The following UBE4B variants were observed in gnomAD, a reference collection of about 807,000 sequenced individuals.
UBE4B encodes ubiquitin conjugation factor E4 B.
In UBE4B, 27 loss-of-function variants were observed where a neutral mutation model predicts 148.1. The observed-to-expected ratio is 0.18, with a 90% CI of 0.13 to 0.25. The LOEUF (loss-of-function observed/expected upper bound fraction) is 0.25, where lower values mean the gene tolerates loss of function less well. Among genes scored for constraint, UBE4B ranks in the 10% least tolerant of loss-of-function variants. The pLI is 1.00. For synonymous variants in UBE4B, 596 were observed against 619.3 expected (o/e 0.96, Z 0.56); for missense variants, 1,170 against 1,662.4 (o/e 0.70, Z 5.15).
In UBE4B at chr1:10,044,673, T is replaced by C. The variant is rs371356286; in HGVS notation, c.24+10979T>C. On this transcript the variant is annotated intron_variant, in intron 1 of 27. Transcript: ENST00000343090. ...TCTCAGCTCACTGTAACTCCACCGC[T>C]TGGGCTCAAGCGATCCTCCCACCTC... Among the ~76,000 whole-genome samples, 91 of 151,832 alleles carry C rather than the reference T, an allele frequency of 6.0e-4. 1 individual carries two copies. Among genetic ancestry groups the C allele is most frequent in the African/African-American group, 2.1e-3 (87 of 41,426 alleles).
At chr1:10,053,063 C>T (rs1406044455) in intron 1 of UBE4B, among the ~76,000 whole-genome samples, 2 of 152,102 alleles carry the variant, frequency 1.3e-5, no homozygotes, top group Non-Finnish European at 2.9e-5. Context: ...GCCCCATCTC[C>T]TAATTTCATC....
chr1:10,067,331 T>G (rs1377885859), intron 1 of UBE4B, among the ~76,000 whole-genome samples: 1 of 152,152 alleles, frequency 6.6e-6, no homozygotes, highest in Non-Finnish European at 1.5e-5. Context: ...TATGTGTGGC[T>G]TTGAGTTGTG....
At chr1:10,101,844 T>G (rs1055542864) in intron 4 of UBE4B, among the ~76,000 whole-genome samples, 2 of 152,146 alleles carry the variant, frequency 1.3e-5, no homozygotes, top group African/African-American at 4.8e-5. Context: ...CATCACATCT[T>G]TAGCAGTATT....
intron 2 of UBE4B, among the ~76,000 whole-genome samples, chr1:10,073,383 T>C (rs1644520132): frequency 6.6e-6 from 1 of 152,150 alleles, no homozygotes; most frequent in Non-Finnish European, 1.5e-5. Context: ...CTCAGAACCA[T>C]TTGAACTAAT....
chr1:10,093,686 T>G (rs1184994274), intron 2 of UBE4B, among the ~76,000 whole-genome samples: 2 of 152,064 alleles, frequency 1.3e-5, no homozygotes, highest in Admixed American at 6.6e-5. Context: ...TTTTCTTTTT[T>G]CATACTTTTT....
chr1:10,086,413 A>T (rs1333980888), intron 2 of UBE4B, among the ~76,000 whole-genome samples: 1 of 152,110 alleles, frequency 6.6e-6, no homozygotes, highest in Non-Finnish European at 1.5e-5. Context: ...ATGTATTCTT[A>T]GTTATCAGGG....
intron 7 of UBE4B, among the ~76,000 whole-genome samples, chr1:10,109,040 A>C (rs1050976253): frequency 1.3e-5 from 2 of 152,142 alleles, no homozygotes; most frequent in Non-Finnish European, 2.9e-5. Flanking sequence ...GCCTTGCCTC[A>C]GATCTAAATT....
In UBE4B at chr1:10,135,223, T is replaced by C. The variant is rs759105104; in HGVS notation, c.2224+37T>C. ...GTTCGTGACTCGGTCATTAAAACACTGCCCTCTTGTCTGTGTGCTAGTAGT... is the reference window on the plus strand; with the variant it reads ...GTTCGTGACTCGGTCATTAAAACACCGCCCTCTTGTCTGTGTGCTAGTAGT... On this transcript the variant is annotated intron_variant, in intron 16 of 27. Coordinates refer to ENST00000343090, the MANE Select transcript of UBE4B (RefSeq NM_001105562.3). 14 of 1,570,246 alleles carry C rather than the reference T, an allele frequency of 8.9e-6. No individual in the cohort carries two copies. In the East Asian group the frequency reaches 9.2e-5, roughly 10 times the overall value.
Position 10,137,357 on chromosome 1 carries a change from C to T in UBE4B, c.2363+152C>T, listed in dbSNP as rs537772410. The T allele has an allele frequency of 1.5e-4, 153 of 996,424 alleles. 2 individuals are homozygous for T. The African/African-American group carries it at 2.3e-3, about 15-fold the overall frequency. 61.7% of individuals were successfully genotyped at this position (996,424 alleles called of 1,614,324 possible). The stretch of plus-strand genomic sequence containing the variant: ...TGCCTCCACCGCCACATCCATGTTG[C>T]TCAGTTGTCCAGAGTTCTTTACCTG... On this transcript the variant is annotated intron_variant, in intron 17 of 27. Coordinates refer to ENST00000343090, the MANE Select transcript of UBE4B (RefSeq NM_001105562.3).
intron 7 of UBE4B, among the ~76,000 whole-genome samples, chr1:10,111,057 A>G (rs1444619572): frequency 2.4e-5 from 3 of 122,890 alleles, no homozygotes; most frequent in East Asian, 6.9e-4. Context: ...ACACACACAC[A>G]CACACACACA....
chr1:10,132,170 C>T (rs748290880), intron 14 of UBE4B, among the ~76,000 whole-genome samples, 199 bp from the exon 15 acceptor site: 2 of 152,108 alleles, frequency 1.3e-5, no homozygotes, highest in Non-Finnish European at 2.9e-5. Flanking sequence ...TCCCCCACTC[C>T]ATATTCTGCT....
chr1:10,038,762 C>A (rs1486660507), intron 1 of UBE4B, among the ~76,000 whole-genome samples: 1 of 152,134 alleles, frequency 6.6e-6, no homozygotes, highest in Non-Finnish European at 1.5e-5. Flanking sequence ...ACTGGTCCTC[C>A]CACTCCCAAT....
intron 3 of UBE4B, among the ~76,000 whole-genome samples, chr1:10,100,547 T>C (rs184483344): frequency 6.6e-6 from 1 of 152,270 alleles, no homozygotes; most frequent in Non-Finnish European, 1.5e-5. Flanking sequence ...ACTTTAATGA[T>C]ATACTTTTAT....
intron 2 of UBE4B, among the ~76,000 whole-genome samples, chr1:10,093,775 A>G (rs887543605): frequency 6.6e-6 from 1 of 151,596 alleles, no homozygotes; most frequent in African/African-American, 2.4e-5. Flanking sequence ...GCTCACTGCA[A>G]CCTCCGCCTC....
chr1:10,131,895 C>G (rs142657729), intron 14 of UBE4B, among the ~76,000 whole-genome samples: 2,333 of 148,766 alleles, frequency 0.016, 26 homozygotes, highest in Non-Finnish European at 0.017. Context: ...GGAGGTTGCA[C>G]TGAGCCGAGA....
chr1:10,117,584 A>T lies in UBE4B; in HGVS notation c.1322A>T (p.Glu441Val). The change falls in exon 8 of 28, where the codon GAA becomes GTA. Residue 441 changes from glutamate to valine, a missense_variant. Glu to Val is a moderately radical substitution (Grantham distance 121, BLOSUM62 -2). This residue lies in a region of UBE4B where 388 missense variants were observed against 536.0 expected (regional missense o/e 0.72). Transcript: ENST00000343090. ...TGTTTCGACCGAGTTGGAATAGAGG[A>T]AAAAAAAGCACCAAAGGTAATATGA... ...IECFDRVGIE[E>V]KKAPKMCSQP... The T allele has an allele frequency of 6.3e-7, 1 of 1,576,506 alleles. No homozygotes were observed.
In UBE4B at chr1:10,161,639, G is replaced by T. The variant is rs1445538632; in HGVS notation, c.3198+353G>T. Among the ~76,000 whole-genome samples the T allele has an allele frequency of 6.6e-6, 1 of 152,178 alleles. No homozygotes were observed. The highest frequency in any genetic ancestry group is 1.5e-5 in the Non-Finnish European group (1 of 68,014). On this transcript the variant is annotated intron_variant, in intron 23 of 27. Transcript: ENST00000343090. The surrounding 1 kb of genome is among the most constrained non-coding windows in gnomAD (Gnocchi z 4.1). ...AATTATGTCTGCTGGACAAGAATTT[G>T]ATTTGTTCCTATGGGCTTCTCTAGG...
chr1:10,152,320 T>C (rs1449653203), intron 21 of UBE4B, among the ~76,000 whole-genome samples: 1 of 151,424 alleles, frequency 6.6e-6, no homozygotes, highest in African/African-American at 2.4e-5. Flanking sequence ...GTCAAATTTA[T>C]TTCTTAAGTT....
At chr1:10,145,403 C>G (rs982075579) in intron 18 of UBE4B, 3 of 154,922 alleles carry the variant, frequency 1.9e-5, no homozygotes, top group Admixed American at 1.3e-4. Context: ...GGAGACCATC[C>G]TGGCTAACAC....
Sources: allele counts gnomAD v4.1 joint callset (sites outside exome capture counted in the v4.1 genomes callset), GRCh38; gene constraint gnomAD v4.1.1; regional missense constraint gnomAD v4.1.1; non-coding constraint Gnocchi (gnomAD v3.1); transcripts MANE v1.5; gene names NCBI Gene and HGNC (gene_info 2026-07-23, HGNC 2026-07-21).